POLR3B: variants seen among roughly 807,000 people sequenced by gnomAD.
The protein encoded by POLR3B is DNA-directed RNA polymerase III subunit RPC2.
A neutral mutation model predicts 147.4 loss-of-function variants in POLR3B; 96 were observed. The ratio of observed to expected loss-of-function variants is 0.65; its 90% CI spans 0.55 to 0.77. The LOEUF (loss-of-function observed/expected upper bound fraction) is 0.77. Ranked by LOEUF, POLR3B falls within the 30% of genes least tolerant of loss-of-function variation. The pLI, the probability that POLR3B is intolerant of heterozygous loss-of-function variation, is 0.00. For synonymous variants in POLR3B, 461 were observed against 485.9 expected, an observed-to-expected ratio of 0.95 and a Z score of 0.67; for missense variants, 1,036 against 1,413.5, an observed-to-expected ratio of 0.73 and a Z score of 4.28.
At chr12:106,365,991 A>G (rs1300648084) in intron 2 of POLR3B, among the ~76,000 whole-genome samples, 1 of 152,054 alleles carries the variant, frequency 6.6e-6, no homozygotes, top group Non-Finnish European at 1.5e-5. Flanking sequence ...ATGGACAGTA[A>G]CACACATGGA....
chr12:106,404,443 G>A (rs1320989064), intron 10 of POLR3B, among the ~76,000 whole-genome samples: 1 of 152,102 alleles, frequency 6.6e-6, no homozygotes, highest in Non-Finnish European at 1.5e-5. Flanking sequence ...GGTGTTGTTA[G>A]TCTTTTTAAT....
intron 11 of POLR3B, among the ~76,000 whole-genome samples, chr12:106,408,562 G>C (rs902058729): frequency 2.6e-5 from 4 of 152,154 alleles, no homozygotes; most frequent in African/African-American, 9.7e-5. Flanking sequence ...CATAAGAGTG[G>C]TTAGGCTCCA....
At chr12:106,404,994 C>T (rs2037130403) in intron 10 of POLR3B, among the ~76,000 whole-genome samples, 2 of 151,964 alleles carry the variant, frequency 1.3e-5, no homozygotes, top group Non-Finnish European at 2.9e-5. Flanking sequence ...TTTTTCCTTC[C>T]TCATTGAATT....
intron 12 of POLR3B, among the ~76,000 whole-genome samples, chr12:106,419,748 A>C (rs1295080218): frequency 7.9e-6 from 1 of 127,130 alleles, no homozygotes; most frequent in Non-Finnish European, 1.6e-5. Flanking sequence ...ATTACTGAAG[A>C]AGTCTACTTT....
chr12:106,424,885 T>C (rs1239825889), intron 12 of POLR3B, among the ~76,000 whole-genome samples: 1 of 152,182 alleles, frequency 6.6e-6, no homozygotes, highest in Non-Finnish European at 1.5e-5. Context: ...TCCATGAACA[T>C]ATCATCTCAC....
chr12:106,469,231 A>G (rs1325176862), intron 23 of POLR3B, among the ~76,000 whole-genome samples: 1 of 150,902 alleles, frequency 6.6e-6, no homozygotes, highest in Non-Finnish European at 1.5e-5. Context: ...TTGTTGGTTT[A>G]AAGTCTGCTT....
intron 23 of POLR3B, among the ~76,000 whole-genome samples, chr12:106,478,943 C>G (rs2038222920): frequency 6.6e-6 from 1 of 152,012 alleles, no homozygotes; most frequent in Non-Finnish European, 1.5e-5. Context: ...TAATGTCACT[C>G]TTCTTCCTCG....
intron 10 of POLR3B, among the ~76,000 whole-genome samples, chr12:106,395,066 C>T (rs1038125316): frequency 2.0e-5 from 3 of 152,150 alleles, no homozygotes; most frequent in African/African-American, 7.2e-5. Context: ...CCCATCTCTA[C>T]AAACAATAAA....
intron 12 of POLR3B, among the ~76,000 whole-genome samples, chr12:106,412,719 C>T (rs951283736): frequency 1.3e-4 from 20 of 152,306 alleles, no homozygotes; most frequent in African/African-American, 2.9e-4. Context: ...CTGTACTCAG[C>T]GGCATTTTAT....
intron 23 of POLR3B, among the ~76,000 whole-genome samples, chr12:106,480,855 A>G (rs1248490469): frequency 6.6e-6 from 1 of 151,146 alleles, no homozygotes; most frequent in Non-Finnish European, 1.5e-5. Context: ...TGAGGGAATG[A>G]TATGTCGTGA....
intron 12 of POLR3B, among the ~76,000 whole-genome samples, chr12:106,425,423 G>A (rs1000985394): frequency 1.3e-5 from 2 of 152,154 alleles, no homozygotes; most frequent in African/African-American, 4.8e-5. Flanking sequence ...GAGTTTGTTG[G>A]GAGAGCCTGG....
chr12:106,432,628 C>A, intron 15 of POLR3B, 148 bp downstream of exon 15: 1 of 745,826 alleles, frequency 1.3e-6, no homozygotes, highest in Non-Finnish European at 2.4e-6. Context: ...ACAATGATAA[C>A]AGAAACAGTT....
At chr12:106,458,954 A>G (rs900975211) in intron 21 of POLR3B, among the ~76,000 whole-genome samples, 9 of 152,138 alleles carry the variant, frequency 5.9e-5, no homozygotes, top group African/African-American at 2.2e-4. Context: ...TAAAATTGCT[A>G]TTTACTGAGA....
intron 10 of POLR3B, among the ~76,000 whole-genome samples, chr12:106,401,971 G>A (rs536420680): frequency 6.6e-6 from 1 of 152,302 alleles, no homozygotes; most frequent in East Asian, 1.9e-4. Flanking sequence ...GGGCAATCAG[G>A]CAGTTGAAGG....
chr12:106,433,285 A>G (rs760542566), intron 15 of POLR3B, among the ~76,000 whole-genome samples: 1 of 152,168 alleles, frequency 6.6e-6, no homozygotes, highest in Non-Finnish European at 1.5e-5. Context: ...AGCAAAGTTC[A>G]TTTTCCTCAT....
chr12:106,429,520 A>G (rs995449921), intron 13 of POLR3B, among the ~76,000 whole-genome samples: 6 of 152,128 alleles, frequency 3.9e-5, no homozygotes, highest in African/African-American at 1.4e-4. Context: ...TTCTAATCTT[A>G]ATCTTTATCC....
At chr12:106,481,675 G>A (rs566567065) in intron 23 of POLR3B, among the ~76,000 whole-genome samples, 3 of 152,240 alleles carry the variant, frequency 2.0e-5, no homozygotes, top group Non-Finnish European at 2.9e-5. Flanking sequence ...CTCCTTACAC[G>A]TAGGTTTACA....
intron 16 of POLR3B, among the ~76,000 whole-genome samples, chr12:106,435,590 C>CT (rs535480148): frequency 4.8e-4 from 73 of 152,238 alleles, no homozygotes; most frequent in Non-Finnish European, 7.4e-4. Flanking sequence ...TTGTGTGACT[C>CT]TGAGTATACT....
In POLR3B at chr12:106,454,473, G is replaced by T. The variant is rs373823800; in HGVS notation, c.2084-29G>T. Reference sequence around the variant, plus strand: ...TTATTATTTCACATAATAGAATGTTGTATTTTGTTTTCTCCCATATCAATG... The same window carrying T: ...TTATTATTTCACATAATAGAATGTTTTATTTTGTTTTCTCCCATATCAATG... On this transcript the variant is annotated intron_variant, in intron 19 of 27. Coordinates refer to ENST00000228347, the MANE Select transcript of POLR3B (RefSeq NM_018082.6). 10 of 1,009,232 alleles carry T rather than the reference G, an allele frequency of 9.9e-6. No homozygotes were observed. In the African/African-American group the frequency reaches 1.6e-4, roughly 16 times the overall value. 62.5% of individuals were successfully genotyped at this position (1,009,232 alleles called of 1,614,324 possible). A position where few individuals can be genotyped will look rare whatever the true frequency, so the allele number is the denominator to read the frequency against.
Sources: gnomAD v4.1 joint callset for allele counts (sites outside exome capture counted in the v4.1 genomes callset) on GRCh38, gnomAD v4.1.1 for gene constraint, MANE v1.5 for transcripts, NCBI Gene and HGNC (gene_info 2026-07-23, HGNC 2026-07-21) for gene names.